Variants in RAP1GDS1 observed in about 807,000 individuals in gnomAD.
The protein encoded by RAP1GDS1 is RAP1, GTP-GDP dissociation stimulator 1.
In RAP1GDS1, 35 loss-of-function variants were observed where a neutral mutation model predicts 71.1. The observed-to-expected ratio is 0.49, with a 90% CI of 0.38 to 0.65. The LOEUF (loss-of-function observed/expected upper bound fraction) is 0.65. RAP1GDS1 is among the 30% of genes least tolerant of loss of function. The pLI is 0.00. For missense variants in RAP1GDS1, 663 were observed against 706.1 expected (o/e 0.94, Z 0.69); for synonymous variants, 229 against 243.1 (o/e 0.94, Z 0.54).
At chr4:98,440,657 A>G (rs950382149) in intron 14 of RAP1GDS1, among the ~76,000 whole-genome samples, 3 of 152,162 alleles carry the variant, frequency 2.0e-5, no homozygotes, top group African/African-American at 7.2e-5. Flanking sequence ...AGAAATGTCT[A>G]TTCAAGTCTT....
chr4:98,324,220 G>A (rs1355243902), intron 2 of RAP1GDS1, among the ~76,000 whole-genome samples: 2 of 144,912 alleles, frequency 1.4e-5, no homozygotes, highest in African/African-American at 5.2e-5. Context: ...CAAGGGATGT[G>A]AAGGACCTCT....
intron 4 of RAP1GDS1, among the ~76,000 whole-genome samples, chr4:98,362,657 A>G (rs889579986): frequency 7.2e-5 from 11 of 152,220 alleles, no homozygotes; most frequent in African/African-American, 2.4e-4. Flanking sequence ...GTTGCTGCTC[A>G]TGATTTACAT....
intron 4 of RAP1GDS1, among the ~76,000 whole-genome samples, chr4:98,358,132 G>A (rs1264027426): frequency 1.3e-5 from 2 of 151,944 alleles, no homozygotes; most frequent in Non-Finnish European, 2.9e-5. Context: ...ATGATAAAAA[G>A]GAATATTTTA....
At chr4:98,349,390 T>G (rs374615822) in intron 3 of RAP1GDS1, among the ~76,000 whole-genome samples, 11,258 of 152,146 alleles carry the variant, frequency 0.074, 452 homozygotes, top group Admixed American at 0.14. Flanking sequence ...TAGTTTGAAG[T>G]CAGGTAGTGT....
At chr4:98,388,034 G>A (rs1020870937) in intron 5 of RAP1GDS1, among the ~76,000 whole-genome samples, 2 of 152,074 alleles carry the variant, frequency 1.3e-5, no homozygotes, top group African/African-American at 4.8e-5. Context: ...AAAAACATTT[G>A]CAAGTTTTCT....
intron 4 of RAP1GDS1, among the ~76,000 whole-genome samples, chr4:98,377,953 A>G (rs1412062699): frequency 6.6e-6 from 1 of 151,828 alleles, no homozygotes; most frequent in Non-Finnish European, 1.5e-5. Context: ...GATTTTGAAG[A>G]TATATTGTGA....
intron 5 of RAP1GDS1, among the ~76,000 whole-genome samples, chr4:98,389,005 T>A (rs1743199532): frequency 7.1e-6 from 1 of 140,368 alleles, no homozygotes; most frequent in African/African-American, 3.1e-5. Context: ...GAATAGCAGT[T>A]TGTTTTACTA....
At position 98,287,863 on chromosome 4, in the gene RAP1GDS1, C is replaced by A. The variant is rs1726274288; in HGVS notation, c.5-5545C>A. The stretch of plus-strand genomic sequence containing the variant: ...GTATTTAGGTACATTCCTGTTAGAT[C>A]TTGCATCTGTGGAACTTCATCGTGG... On this transcript the variant is annotated intron_variant, in intron 1 of 14. Coordinates refer to ENST00000408927, the MANE Select transcript of RAP1GDS1 (RefSeq NM_001100427.2). 2.0e-5 allele frequency among the ~76,000 whole-genome samples: 3 copies of A among 151,742 alleles called. 1 individual carries two copies. The South Asian group carries it at 6.2e-4, about 32-fold the overall frequency.
chr4:98,307,770 C>G (rs898958267), intron 2 of RAP1GDS1, among the ~76,000 whole-genome samples: 1 of 152,014 alleles, frequency 6.6e-6, no homozygotes, highest in Non-Finnish European at 1.5e-5. Flanking sequence ...AGCTAATTCT[C>G]TTAGGTTTTG....
chr4:98,387,806 G>C (rs372943843), intron 5 of RAP1GDS1, among the ~76,000 whole-genome samples: 1 of 152,142 alleles, frequency 6.6e-6, no homozygotes, highest in African/African-American at 2.4e-5. Flanking sequence ...GTGAATTGCT[G>C]TGTTTGTTGA....
chr4:98,302,073 A>G lies in RAP1GDS1; in HGVS notation c.112+8558A>G, dbSNP rs549136305. Among the ~76,000 whole-genome samples, 3 of 152,334 alleles carry G rather than the reference A, an allele frequency of 2.0e-5. No homozygotes were observed. In the East Asian group the frequency reaches 5.8e-4, roughly 29 times the overall value. On this transcript the variant is annotated intron_variant, in intron 2 of 14. Coordinates refer to ENST00000408927, the MANE Select transcript of RAP1GDS1 (RefSeq NM_001100427.2). ...ATACACTGAATAGGAAATTTCAGATAAGATACATACATAGGTGCTACAAAA... is the reference window on the plus strand; with the variant it reads ...ATACACTGAATAGGAAATTTCAGATGAGATACATACATAGGTGCTACAAAA...
chr4:98,265,809 G>T (rs1385594807), intron 1 of RAP1GDS1, among the ~76,000 whole-genome samples: 1 of 152,032 alleles, frequency 6.6e-6, no homozygotes, highest in Non-Finnish European at 1.5e-5. Flanking sequence ...AATAAGGTCT[G>T]TTTTTTCAGA....
intron 2 of RAP1GDS1, among the ~76,000 whole-genome samples, chr4:98,338,677 A>T (rs1369656951): frequency 2.0e-5 from 3 of 152,180 alleles, no homozygotes; most frequent in African/African-American, 7.2e-5. Flanking sequence ...TAAAACTTAA[A>T]ATGTTTTTTA....
chr4:98,350,545 A>C (rs1233076662), intron 3 of RAP1GDS1, among the ~76,000 whole-genome samples: 1 of 152,218 alleles, frequency 6.6e-6, no homozygotes, highest in Non-Finnish European at 1.5e-5. Context: ...TGTCTATAAA[A>C]AAATAAAAAA....
At chr4:98,319,062 G>A (rs1271342246) in intron 2 of RAP1GDS1, among the ~76,000 whole-genome samples, 11 of 152,112 alleles carry the variant, frequency 7.2e-5, no homozygotes, top group Non-Finnish European at 1.5e-5. Flanking sequence ...GAATGGATTA[G>A]GTGCCTCTGT....
intron 3 of RAP1GDS1, among the ~76,000 whole-genome samples, chr4:98,344,248 A>G (rs576153333): frequency 6.6e-6 from 1 of 152,280 alleles, no homozygotes; most frequent in Admixed American, 6.5e-5. Flanking sequence ...TATCACTCTT[A>G]TATGTCACAT....
intron 4 of RAP1GDS1, among the ~76,000 whole-genome samples, chr4:98,363,579 A>T (rs188622584): frequency 6.6e-6 from 1 of 151,988 alleles, no homozygotes; most frequent in Non-Finnish European, 1.5e-5. Flanking sequence ...GTTATGCAAG[A>T]TACTGTGAAC....
At chr4:98,400,288 T>C (rs189052502) in intron 6 of RAP1GDS1, among the ~76,000 whole-genome samples, 1 of 152,126 alleles carries the variant, frequency 6.6e-6, no homozygotes, top group East Asian at 1.9e-4. Flanking sequence ...CTGTTCACAA[T>C]AGATATGGGA....
At chr4:98,341,430 A>G (rs962350062) in intron 2 of RAP1GDS1, among the ~76,000 whole-genome samples, 1 of 152,206 alleles carries the variant, frequency 6.6e-6, no homozygotes, top group African/African-American at 2.4e-5. Context: ...TTCCACTATG[A>G]TATTAAGCCA....
Sources: allele counts gnomAD v4.1 joint callset (sites outside exome capture counted in the v4.1 genomes callset), GRCh38; gene constraint gnomAD v4.1.1; transcripts MANE v1.5; gene names NCBI Gene and HGNC (gene_info 2026-07-23, HGNC 2026-07-21).